The following MME variants were observed in gnomAD, a reference collection of about 807,000 sequenced individuals.
The protein encoded by MME is membrane metalloendopeptidase.
MME carries 98 observed loss-of-function variants against 113.2 expected under a neutral mutation model. That is an observed-to-expected ratio of 0.87 (90% CI 0.74 to 1.02). The LOEUF is 1.02. MME is among the 50% of genes least tolerant of loss of function. The probability of loss-of-function intolerance (pLI) is 0.00; values close to 1 mark genes in which losing one functional copy is unlikely to be tolerated. For missense variants in MME, 836 were observed against 896.0 expected (o/e 0.93, Z 0.86); for synonymous variants, 292 against 300.6 (o/e 0.97, Z 0.30).
At chr3:155,117,059 G>T in intron 7 of MME, 73 bp downstream of exon 7, 1 of 886,698 alleles carries the variant, frequency 1.1e-6, no homozygotes, top group African/African-American at 1.6e-5. Flanking sequence ...TGTTGTTATT[G>T]ATATTTAGAA....
At chr3:155,141,866 T>A in intron 10 of MME, 125 bp from the exon 11 acceptor site, 1 of 1,030,260 alleles carries the variant, frequency 9.7e-7, no homozygotes, top group South Asian at 1.5e-5. Context: ...AAAAACTGAT[T>A]GAAACAATTG....
At chr3:155,130,621 A>G (rs1171755850) in intron 8 of MME, among the ~76,000 whole-genome samples, 3 of 152,180 alleles carry the variant, frequency 2.0e-5, no homozygotes, top group Non-Finnish European at 2.9e-5. Flanking sequence ...CCTAGATCAG[A>G]AAAGCCAGGA....
At chr3:155,146,172 T>A (rs926750504) in intron 14 of MME, among the ~76,000 whole-genome samples, 7 of 151,634 alleles carry the variant, frequency 4.6e-5, no homozygotes, top group Non-Finnish European at 8.8e-5. Flanking sequence ...CAAGTGATAA[T>A]GAAATAATAA....
At chr3:155,053,752 T>C (rs1713837558) in intron 1 of MME, among the ~76,000 whole-genome samples, 1 of 152,096 alleles carries the variant, frequency 6.6e-6, no homozygotes. Flanking sequence ...TCACAAATAT[T>C]TGTTCATCTT....
intron 1 of MME, among the ~76,000 whole-genome samples, chr3:155,046,931 A>G (rs1713579694): frequency 6.6e-6 from 1 of 152,242 alleles, no homozygotes; most frequent in Non-Finnish European, 1.5e-5. Flanking sequence ...TTATTACAAA[A>G]GAGTCAGATA....
chr3:155,040,507 CAT>C (rs1167432208), intron 1 of MME, among the ~76,000 whole-genome samples: 1 of 151,506 alleles, frequency 6.6e-6, no homozygotes, highest in Non-Finnish European at 1.5e-5. Flanking sequence ...AATACACAAA[CAT>C]ATGTATTTAT....
chr3:155,038,127 A>G (rs1239668499), intron 1 of MME, among the ~76,000 whole-genome samples: 1 of 152,192 alleles, frequency 6.6e-6, no homozygotes, highest in Non-Finnish European at 1.5e-5. Flanking sequence ...TGATAAGAAC[A>G]TGGAGTGTAA....
At chr3:155,115,549 C>T (rs1718533011) in intron 4 of MME, among the ~76,000 whole-genome samples, 2 of 152,278 alleles carry the variant, frequency 1.3e-5, no homozygotes, top group East Asian at 1.9e-4. Flanking sequence ...CTGCCTCAGC[C>T]TCCCAAGTAG....
chr3:155,124,352 C>A (rs1014559232), intron 8 of MME, among the ~76,000 whole-genome samples: 11 of 151,850 alleles, frequency 7.2e-5, no homozygotes, highest in Admixed American at 6.6e-4. Context: ...AACTTCTTTG[C>A]CTTTGGTTTG....
chr3:155,076,059 T>C (rs1714737646), upstream of MME, among the ~76,000 whole-genome samples: 1 of 152,228 alleles, frequency 6.6e-6, no homozygotes. Flanking sequence ...TTGGTTACAG[T>C]CAGTGGTGGG....
chr3:155,180,442 A>G lies in MME; in HGVS notation c.2236A>G (p.Lys746Glu). 2 of 1,613,382 alleles carry G rather than the reference A, an allele frequency of 1.2e-6. No individual in the cohort carries two copies. The highest frequency in any genetic ancestry group is 1.7e-6 in the Non-Finnish European group (2 of 1,179,428). ...RKNSYMNPEK[K>E]CRVW ...GAATTCATACATGAATCCAGAAAAG[A>G]AGTGCCGGGTTTGGTGATCTTCAAA... The change falls in exon 23 of 23, where the codon AAG becomes GAG. Residue 746 changes from lysine (K) to glutamate (E), a missense_variant. Transcript: ENST00000360490.
chr3:155,168,629 T>C lies in MME; in HGVS notation c.1914+4T>C. The C allele has an allele frequency of 6.2e-7, 1 of 1,613,844 alleles. No homozygotes were observed. Among genetic ancestry groups the C allele is most frequent in the Non-Finnish European group, 8.5e-7 (1 of 1,179,824 alleles). ...GGACCTGGCAGGTGGACAGCACGTA[T>C]GTCATTAGCATTCTCTTGAAAAGTT... On this transcript the variant is annotated splice_donor_region_variant and intron_variant, in intron 19 of 22. Transcript: ENST00000360490.
intron 1 of MME, among the ~76,000 whole-genome samples, chr3:155,052,237 TA>T (rs1713788577): frequency 6.6e-6 from 1 of 152,150 alleles, no homozygotes; most frequent in Non-Finnish European, 1.5e-5. Flanking sequence ...GTGCAGAATG[TA>T]AGCTGTCAGT....
upstream of MME, among the ~76,000 whole-genome samples, chr3:155,075,045 GA>G (rs1322410917): frequency 1.3e-5 from 2 of 151,488 alleles, no homozygotes; most frequent in Non-Finnish European, 2.9e-5. Context: ...CAAATATTGA[GA>G]AAGGTGTATT....
chr3:155,077,508 G>C (rs975607284), upstream of MME, among the ~76,000 whole-genome samples: 5 of 152,140 alleles, frequency 3.3e-5, no homozygotes, highest in Non-Finnish European at 7.3e-5. Flanking sequence ...AAACTTCTGG[G>C]AGGAGATTTA....
At chr3:155,173,792 A>G (rs1712228060) in intron 22 of MME, among the ~76,000 whole-genome samples, 1 of 152,088 alleles carries the variant, frequency 6.6e-6, no homozygotes, top group South Asian at 2.1e-4. Context: ...TTTTAGTTTT[A>G]ATTTTTTTAA....
chr3:155,079,401 T>C (rs1714912594), upstream of MME, among the ~76,000 whole-genome samples: 1 of 152,036 alleles, frequency 6.6e-6, no homozygotes, highest in Non-Finnish European at 1.5e-5. Flanking sequence ...TATTGTTTTC[T>C]TGAAAGCCCC....
chr3:155,091,370 A>T (rs1716286117), intron 3 of MME, among the ~76,000 whole-genome samples: 1 of 152,268 alleles, frequency 6.6e-6, no homozygotes, highest in Non-Finnish European at 1.5e-5. Context: ...TTAAGCAAGT[A>T]GTACACCATC....
At chr3:155,116,611 T>G in intron 5 of MME, 52 bp downstream of exon 5, 1 of 1,508,280 alleles carries the variant, frequency 6.6e-7, no homozygotes, top group Non-Finnish European at 9.2e-7. Context: ...TATATATTGG[T>G]GCCAAACTAT....
Sources: allele counts gnomAD v4.1 joint callset (sites outside exome capture counted in the v4.1 genomes callset), GRCh38; gene constraint gnomAD v4.1.1; transcripts MANE v1.5; gene names NCBI Gene and HGNC (gene_info 2026-07-23, HGNC 2026-07-21).